Variants in GALNT18 observed in about 807,000 individuals in gnomAD.
GALNT18 encodes GalNAc-transferase 18.
GALNT18 carries 44 observed loss-of-function variants against 69.5 expected under a neutral mutation model. That is an observed-to-expected ratio of 0.63 (90% CI 0.50 to 0.81). The LOEUF (loss-of-function observed/expected upper bound fraction) is 0.81. Among genes scored for constraint, GALNT18 ranks in the 40% least tolerant of loss-of-function variants. GALNT18 has a pLI of 0.00. For missense variants in GALNT18, 715 were observed against 810.0 expected, an observed-to-expected ratio of 0.88 and a Z score of 1.42; for synonymous variants, 364 against 318.2, an observed-to-expected ratio of 1.14 and a Z score of -1.53.
intron 6 of GALNT18, among the ~76,000 whole-genome samples, chr11:11,351,673 A>C (rs1226470634): frequency 3.9e-5 from 6 of 152,162 alleles, no homozygotes; most frequent in Admixed American, 3.9e-4. Context: ...TTGTTTTGAA[A>C]TAGGATCTCT....
chr11:11,422,806 T>G (rs1855040158), intron 3 of GALNT18, among the ~76,000 whole-genome samples: 1 of 152,108 alleles, frequency 6.6e-6, no homozygotes, highest in South Asian at 2.1e-4. Context: ...CAGCAGCTGG[T>G]GGCAAGCAAT....
At chr11:11,293,531 C>CTTTTTTTTTTTTT (rs1564883642) in intron 9 of GALNT18, among the ~76,000 whole-genome samples, 1 of 89,188 alleles carries the variant, frequency 1.1e-5, no homozygotes, top group African/African-American at 4.4e-5. Context: ...TTACAAACCC[C>CTTTTTTTTTTTTT]TCTTTTTTTT....
intron 9 of GALNT18, among the ~76,000 whole-genome samples, chr11:11,307,480 A>C (rs1849598671): frequency 6.6e-6 from 1 of 152,212 alleles, no homozygotes; most frequent in African/African-American, 2.4e-5. Context: ...AGAATGAAAG[A>C]GAGGTAAATT....
intron 5 of GALNT18, among the ~76,000 whole-genome samples, chr11:11,373,470 G>T (rs1054397544): frequency 6.6e-6 from 1 of 152,206 alleles, no homozygotes; most frequent in African/African-American, 2.4e-5. Flanking sequence ...TCAATACAGG[G>T]GCACAGGAGA....
chr11:11,499,179 T>C (rs1045509479), intron 1 of GALNT18, among the ~76,000 whole-genome samples: 10 of 152,212 alleles, frequency 6.6e-5, no homozygotes, highest in African/African-American at 2.2e-4. Flanking sequence ...TGTGTTCACT[T>C]ATGACGGTCA....
intron 2 of GALNT18, among the ~76,000 whole-genome samples, chr11:11,445,792 G>C (rs1424155769): frequency 6.6e-6 from 1 of 152,214 alleles, no homozygotes; most frequent in East Asian, 1.9e-4. Context: ...AAGTTGCTTG[G>C]TGCCACGGGG....
At chr11:11,410,804 G>T (rs1453596421) in intron 3 of GALNT18, among the ~76,000 whole-genome samples, 1 of 151,846 alleles carries the variant, frequency 6.6e-6, no homozygotes, top group Non-Finnish European at 1.5e-5. Flanking sequence ...AGCAGCCCTT[G>T]GTGCTTCAAG....
rs773159634 is a variant in GALNT18, at chr11:11,613,029, G to A, written c.235+8330C>T. Among the ~76,000 whole-genome samples the A allele has an allele frequency of 6.6e-6, 1 of 152,160 alleles. No homozygotes were observed. The highest frequency in any genetic ancestry group is 6.5e-5 in the Admixed American group (1 of 15,272). ...AGGGGTTTCCACTAGCATCATTAAGGACAGCTTCATCTCCCAAAAATAAAC... is the reference window on the plus strand; with the variant it reads ...AGGGGTTTCCACTAGCATCATTAAGAACAGCTTCATCTCCCAAAAATAAAC... On this transcript the variant is annotated intron_variant, in intron 1 of 10. Transcript: ENST00000227756. This position sits in a 1 kb window ranked among gnomAD's most constrained non-coding sequence, Gnocchi z 4.2.
At chr11:11,557,603 T>C (rs1858362454) in intron 1 of GALNT18, among the ~76,000 whole-genome samples, 2 of 152,210 alleles carry the variant, frequency 1.3e-5, no homozygotes, top group Non-Finnish European at 2.9e-5. Flanking sequence ...TGAGTTGTAC[T>C]TTAAAGACAC....
chr11:11,445,128 C>A (rs1855620887), intron 2 of GALNT18, among the ~76,000 whole-genome samples: 1 of 152,222 alleles, frequency 6.6e-6, no homozygotes, highest in African/African-American at 2.4e-5. Flanking sequence ...TTAAAGCGGG[C>A]CTGCCACTCC....
chr11:11,428,243 C>A (rs920396735), intron 3 of GALNT18, among the ~76,000 whole-genome samples: 1 of 152,242 alleles, frequency 6.6e-6, no homozygotes, highest in African/African-American at 2.4e-5. Flanking sequence ...ATCCGAAGGG[C>A]CTTTAGCCAT....
chr11:11,310,105 C>T (rs1019442538), intron 9 of GALNT18, among the ~76,000 whole-genome samples: 9 of 152,318 alleles, frequency 5.9e-5, no homozygotes, highest in African/African-American at 2.2e-4. Context: ...CACTTGCTGA[C>T]TCCACTTCCT....
At chr11:11,427,133 C>T (rs947393527) in intron 3 of GALNT18, among the ~76,000 whole-genome samples, 1 of 152,076 alleles carries the variant, frequency 6.6e-6, no homozygotes, top group Admixed American at 6.5e-5. Flanking sequence ...ACTGCTGCAG[C>T]AGAGTGACAG....
chr11:11,465,102 C>T lies in GALNT18; in HGVS notation c.236-16166G>A, dbSNP rs747949581. On this transcript the variant is annotated intron_variant, in intron 1 of 10. Coordinates refer to ENST00000227756, the MANE Select transcript of GALNT18 (RefSeq NM_198516.3). This position sits in a 1 kb window ranked among gnomAD's most constrained non-coding sequence, Gnocchi z 5.7. ...TAAGGCAACTTCTCTATCCTCTCTA[C>T]GAGGACAGAGAGAATACAGATCCCA... Among the ~76,000 whole-genome samples, 6 of 152,150 alleles carry T rather than the reference C, an allele frequency of 3.9e-5. No individual in the cohort carries two copies. The highest frequency in any genetic ancestry group is 7.2e-5 in the African/African-American group (3 of 41,434).
In GALNT18 at chr11:11,435,951, C is replaced by G. The variant is rs529797313; in HGVS notation, c.429-3164G>C. ...CCTCCTTAAATCCTTCTTTTCTCTT[C>G]TCTCCTGGGACTGCTGGGGCCTCCT... On this transcript the variant is annotated intron_variant, in intron 2 of 10. Coordinates refer to ENST00000227756, the MANE Select transcript of GALNT18 (RefSeq NM_198516.3). This position sits in a 1 kb window ranked among gnomAD's most constrained non-coding sequence, Gnocchi z 4.4. Among the ~76,000 whole-genome samples the G allele has an allele frequency of 1.4e-4, 22 of 152,234 alleles. No individual in the cohort carries two copies. Among genetic ancestry groups the G allele is most frequent in the Admixed American group, 1.2e-3 (19 of 15,284 alleles).
chr11:11,412,804 C>T (rs961075169), intron 3 of GALNT18, among the ~76,000 whole-genome samples: 1 of 152,226 alleles, frequency 6.6e-6, no homozygotes, highest in African/African-American at 2.4e-5. Context: ...TATCTCACCA[C>T]ATTTAATTAT....
chr11:11,382,193 A>T lies in GALNT18; in HGVS notation c.596-2929T>A, dbSNP rs745457342. 3.3e-5 allele frequency among the ~76,000 whole-genome samples: 5 copies of T among 152,214 alleles called. No individual in the cohort carries two copies. The highest frequency in any genetic ancestry group is 7.3e-5 in the Non-Finnish European group (5 of 68,034). ...CCAAACATGTGCTGCTGATTAGAAG[A>T]GGGAATTCTCTTAGCCCCAACCAAA... is the stretch of plus-strand genomic sequence containing the variant. On this transcript the variant is annotated intron_variant, in intron 3 of 10. Transcript: ENST00000227756. The surrounding 1 kb of genome is among the most constrained non-coding windows in gnomAD (Gnocchi z 4.3).
At position 11,421,235 on chromosome 11, in the gene GALNT18, G is replaced by A. The variant is rs770067734; in HGVS notation, c.595+11386C>T. 1.6e-4 allele frequency among the ~76,000 whole-genome samples: 24 copies of A among 152,302 alleles called. No homozygotes were observed. Among genetic ancestry groups the A allele is most frequent in the African/African-American group, 3.1e-4 (13 of 41,570 alleles). Reference sequence around the variant, plus strand: ...ATGTTGGGACCTCAGCAGAGAGGCCGGTGAGAGCAGAGAAGAGGCTGGCAA... The same window carrying A: ...ATGTTGGGACCTCAGCAGAGAGGCCAGTGAGAGCAGAGAAGAGGCTGGCAA... On this transcript the variant is annotated intron_variant, in intron 3 of 10. Transcript: ENST00000227756. The surrounding 1 kb of genome is among the most constrained non-coding windows in gnomAD (Gnocchi z 5.6).
chr11:11,464,377 C>T (rs75680600), intron 1 of GALNT18, among the ~76,000 whole-genome samples: 7,573 of 152,280 alleles, frequency 0.05, 286 homozygotes, highest in East Asian at 0.15. Context: ...CCCTGAAGTT[C>T]CTCCTCCACA....
Sources: gnomAD v4.1 joint callset for allele counts (sites outside exome capture counted in the v4.1 genomes callset) on GRCh38, gnomAD v4.1.1 for gene constraint, Gnocchi (gnomAD v3.1) non-coding constraint, MANE v1.5 for transcripts, NCBI Gene and HGNC (gene_info 2026-07-23, HGNC 2026-07-21) for gene names.